The following CCDC171 variants were observed in gnomAD, a reference collection of about 807,000 sequenced individuals.
CCDC171 encodes coiled-coil domain containing 171.
A neutral mutation model predicts 168.2 loss-of-function variants in CCDC171; 177 were observed. The observed-to-expected ratio is 1.05, with a 90% CI of 0.93 to 1.19. The LOEUF (loss-of-function observed/expected upper bound fraction) is 1.19. Ranked by LOEUF, CCDC171 falls within the 50% of genes most tolerant of loss-of-function variation. CCDC171 has a pLI of 0.00. For missense variants in CCDC171, 1,991 were observed against 1,539.0 expected (o/e 1.29, Z -4.91); for synonymous variants, 687 against 540.8 (o/e 1.27, Z -3.75).
chr9:15,691,742 A>G (rs1014024604), intron 10 of CCDC171, among the ~76,000 whole-genome samples: 6 of 151,980 alleles, frequency 3.9e-5, no homozygotes, highest in Non-Finnish European at 5.9e-5. Context: ...CAGTGGCACA[A>G]TGATGCTCAC....
rs1172407585 is a variant in CCDC171, at chr9:15,695,335, C to G, written c.1316C>G (p.Ser439Ter). 4 of 1,611,458 alleles carry G rather than the reference C, an allele frequency of 2.5e-6. No individual in the cohort carries two copies. The highest frequency in any genetic ancestry group is 3.4e-6 in the Non-Finnish European group (4 of 1,177,584). The change falls in exon 11 of 26, where the codon TCA (serine) becomes TGA (stop). Residue 439 changes from serine (S) to a stop codon, truncating the protein, a stop_gained and splice_region_variant. Transcript: ENST00000380701. LOFTEE classifies it high-confidence loss of function. The stretch of plus-strand genomic sequence containing the variant: ...TTTACTGTGTCGGGCCAGTGGACAT[C>G]AGGTTAGTTGAAGGTATAAAATGAC... The part of the protein sequence containing the change: ...DSFTVSGQWT[S>*]GIHKDKDKPP...
chr9:15,740,687 G>T (rs764289578), intron 16 of CCDC171, among the ~76,000 whole-genome samples: 1 of 152,024 alleles, frequency 6.6e-6, no homozygotes, highest in Admixed American at 6.5e-5. Flanking sequence ...TGATCCACCC[G>T]CCTTGGCCTC....
intron 7 of CCDC171, among the ~76,000 whole-genome samples, chr9:15,627,773 G>A (rs920958395): frequency 6.6e-6 from 1 of 152,190 alleles, no homozygotes; most frequent in Non-Finnish European, 1.5e-5. Context: ...GTGATGTGGT[G>A]CTGAGAAGAA....
chr9:15,806,583 C>T (rs191090466), intron 21 of CCDC171, among the ~76,000 whole-genome samples: 1 of 152,224 alleles, frequency 6.6e-6, no homozygotes, highest in East Asian at 1.9e-4. Context: ...CTTGCTTGTA[C>T]AGTTTCTGTT....
intron 23 of CCDC171, among the ~76,000 whole-genome samples, chr9:15,869,609 ACT>A (rs1290593233): frequency 6.7e-6 from 1 of 149,996 alleles, no homozygotes; most frequent in African/African-American, 2.5e-5. Context: ...TTTACAAAAG[ACT>A]CTCCAGTATG....
downstream of CCDC171, among the ~76,000 whole-genome samples, chr9:15,975,931 T>C (rs1831607325): frequency 1.3e-5 from 2 of 152,192 alleles, no homozygotes; most frequent in South Asian, 2.1e-4. Context: ...CTAAATGCAA[T>C]AGGAGGTATC....
intron 21 of CCDC171, among the ~76,000 whole-genome samples, chr9:15,795,619 G>GATA (rs1189675832): frequency 6.6e-6 from 1 of 152,194 alleles, no homozygotes; most frequent in African/African-American, 2.4e-5. Flanking sequence ...GGCCAGAGTT[G>GATA]ATAATAATAA....
intron 1 of CCDC171, among the ~76,000 whole-genome samples, chr9:15,563,012 G>A (rs1298931987): frequency 6.6e-6 from 1 of 152,152 alleles, no homozygotes; most frequent in East Asian, 1.9e-4. Flanking sequence ...TAACCCTCAC[G>A]TAAGATAACT....
Position 15,744,618 on chromosome 9 carries a change from C to G in CCDC171, c.2395C>G (p.Arg799Gly). ...MKKKTFKGLI[R>G]IFRKGVIAVL... is the part of the protein sequence containing the mutation. ...AAAGAAAACATTCAAAGGATTGATA[C>G]GTATATTTCGGAAAGGTGTTATTGC... The change falls in exon 17 of 26, where the codon CGT (arginine) becomes GGT (glycine). Residue 799 changes from arginine to glycine, a missense_variant. Coordinates refer to ENST00000380701, the MANE Select transcript of CCDC171 (RefSeq NM_173550.4). 6.2e-7 allele frequency: 1 copy of G among 1,614,138 alleles called. No homozygotes were observed. Among genetic ancestry groups the G allele is most frequent in the African/African-American group, 1.3e-5 (1 of 75,042 alleles).
chr9:15,748,884 G>A (rs1367077216), intron 18 of CCDC171, among the ~76,000 whole-genome samples: 2 of 152,072 alleles, frequency 1.3e-5, no homozygotes, highest in Non-Finnish European at 2.9e-5. Context: ...AAATTGTTAA[G>A]ATGCTATGAA....
intron 9 of CCDC171, among the ~76,000 whole-genome samples, chr9:15,677,186 T>C (rs1029402134): frequency 2.0e-5 from 3 of 152,208 alleles, no homozygotes; most frequent in African/African-American, 7.2e-5. Flanking sequence ...CCTTTATATG[T>C]TGGGACTCCT....
At position 15,745,548 on chromosome 9, in the gene CCDC171, C is replaced by T. The variant is rs544298455; in HGVS notation, c.2588C>T (p.Ala863Val). 41 of 1,588,104 alleles carry T rather than the reference C, an allele frequency of 2.6e-5. No individual in the cohort carries two copies. Among genetic ancestry groups the T allele is most frequent in the African/African-American group, 1.5e-4 (11 of 73,200 alleles). ...AAGGAGCAGTTGCGTTGTTTACAAG[C>T]GCTCAGTTGGCTCACCAGTTCTGAC... ...HQKEQLRCLQ[A>V]LSWLTSSDLL... The change falls in exon 18 of 26, where the codon GCG (alanine) becomes GTG (valine). Residue 863 changes from alanine (A) to valine (V), a missense_variant. Ala to Val is a moderately conservative substitution (Grantham distance 64, BLOSUM62 0). Coordinates refer to ENST00000380701, the MANE Select transcript of CCDC171 (RefSeq NM_173550.4).
chr9:15,603,002 G>C (rs2042973359), intron 6 of CCDC171, among the ~76,000 whole-genome samples: 2 of 151,058 alleles, frequency 1.3e-5, no homozygotes, highest in East Asian at 2.0e-4. Flanking sequence ...ATTTTTTTGA[G>C]ACGGAGTCTC....
intron 20 of CCDC171, among the ~76,000 whole-genome samples, chr9:15,779,848 C>CT (rs1160575240): frequency 6.6e-6 from 1 of 152,200 alleles, no homozygotes; most frequent in Non-Finnish European, 1.5e-5. Flanking sequence ...AACAAAATGT[C>CT]TAACTGTGTG....
chr9:15,664,615 T>A (rs2048588425), intron 8 of CCDC171, among the ~76,000 whole-genome samples: 1 of 107,044 alleles, frequency 9.3e-6, no homozygotes, highest in Non-Finnish European at 2.0e-5. Flanking sequence ...TGTAGCCTTT[T>A]TACAGCTACA....
At chr9:15,814,293 C>G (rs961760153) in intron 21 of CCDC171, among the ~76,000 whole-genome samples, 1 of 152,152 alleles carries the variant, frequency 6.6e-6, no homozygotes, top group African/African-American at 2.4e-5. Context: ...AATTTAATGA[C>G]ATGCTTCTTT....
intron 4 of CCDC171, among the ~76,000 whole-genome samples, chr9:15,583,822 G>C (rs1392883163): frequency 6.6e-6 from 1 of 151,878 alleles, no homozygotes; most frequent in African/African-American, 2.4e-5. Flanking sequence ...AAAAAAAAAA[G>C]TGTTTTTGTT....
chr9:15,996,968 G>T (rs1317955049), intron 3 of CCDC171, among the ~76,000 whole-genome samples: 1 of 152,192 alleles, frequency 6.6e-6, no homozygotes, highest in Non-Finnish European at 1.5e-5. Context: ...ATTGGTCATT[G>T]TGTCCTGGAC....
chr9:15,859,218 T>C (rs2061457789), intron 23 of CCDC171, among the ~76,000 whole-genome samples: 1 of 152,088 alleles, frequency 6.6e-6, no homozygotes, highest in Non-Finnish European at 1.5e-5. Flanking sequence ...GAACCATTCT[T>C]ACATCCCAGG....
Sources: allele counts gnomAD v4.1 joint callset (sites outside exome capture counted in the v4.1 genomes callset), GRCh38; gene constraint gnomAD v4.1.1; transcripts MANE v1.5; gene names NCBI Gene and HGNC (gene_info 2026-07-23, HGNC 2026-07-21).